LYZL2: variants seen among roughly 807,000 people sequenced by gnomAD.
LYZL2 encodes lysozyme-like protein 2.
LYZL2 carries 13 observed loss-of-function variants against 17.1 expected under a neutral mutation model. The observed-to-expected ratio is 0.76, with a 90% CI of 0.49 to 1.21. LYZL2 has a LOEUF of 1.21. Ranked by LOEUF, LYZL2 falls within the 50% of genes most tolerant of loss-of-function variation. The pLI is 0.00. For synonymous variants in LYZL2, 63 were observed against 74.4 expected (o/e 0.85, Z 0.79); for missense variants, 166 against 189.2 (o/e 0.88, Z 0.72).
chr10:30,607,320 C>A (rs1340332576), downstream of LYZL2, among the ~76,000 whole-genome samples: 2 of 151,868 alleles, frequency 1.3e-5, no homozygotes, highest in African/African-American at 4.8e-5. Flanking sequence ...ACAATGCCTC[C>A]ATTCAATACC....
At chr10:30,617,757 A>G (rs1342634318) in intron 3 of LYZL2, among the ~76,000 whole-genome samples, 3 of 151,910 alleles carry the variant, frequency 2.0e-5, no homozygotes. Context: ...CCCTTTGAAA[A>G]CTAGCACAAG....
chr10:30,623,113 C>T (rs1303088542), intron 3 of LYZL2, among the ~76,000 whole-genome samples: 1 of 152,120 alleles, frequency 6.6e-6, no homozygotes, highest in African/African-American at 2.4e-5. Context: ...CATAACAACC[C>T]TCAAAGAATA....
At chr10:30,617,649 TG>T (rs1415829513) in intron 3 of LYZL2, among the ~76,000 whole-genome samples, 7 of 107,544 alleles carry the variant, frequency 6.5e-5, no homozygotes, top group Non-Finnish European at 1.2e-4. Flanking sequence ...CACTTCAGCC[TG>T]GGTGACAGAG....
intron 1 of LYZL2, among the ~76,000 whole-genome samples, chr10:30,627,986 C>G (rs1838745473): frequency 6.6e-6 from 1 of 152,098 alleles, no homozygotes; most frequent in South Asian, 2.1e-4. Flanking sequence ...GGTGAAACCC[C>G]GTCTCTACTA....
intron 4 of LYZL2, 54 bp from the exon 5 acceptor site, chr10:30,612,078 G>T: frequency 6.3e-7 from 1 of 1,596,414 alleles, no homozygotes; most frequent in Non-Finnish European, 8.6e-7. Flanking sequence ...AATCCAAACC[G>T]TCTCAGTTTC....
downstream of LYZL2, among the ~76,000 whole-genome samples, chr10:30,609,517 A>G (rs1838409550): frequency 6.6e-6 from 1 of 152,230 alleles, no homozygotes; most frequent in Admixed American, 6.5e-5. Flanking sequence ...ACAACAGAGA[A>G]CAAGTTGGGA....
rs1054563 is a variant in LYZL2 at position 30,611,982 on chromosome 10, G to C, written c.420C>G (p.Asp140Glu). 3.3e-5 allele frequency: 53 copies of C among 1,614,106 alleles called. No homozygotes were observed. The highest frequency in any genetic ancestry group is 1.2e-4 in the South Asian group (11 of 91,078). The change falls in exon 5 of 5, where the codon GAC (aspartate) becomes GAG (glutamate). Residue 140 changes from aspartate (D) to glutamate (E), a missense_variant. Around this residue, in one of 2 missense-constraint regions of LYZL2, gnomAD observed 134 missense variants for 129.4 expected, o/e 1.04. Transcript: ENST00000647634. Reference protein sequence around the residue: ...KKHCEGRDLSDWKKDCEVS With the variant: ...KKHCEGRDLSEWKKDCEVS ...AGGAAACCTCACAGTCTTTTTTCCA[G>C]TCGGACAGGTCTCTCCCCTCACAGT...
At chr10:30,618,619 C>T (rs904439291) in intron 3 of LYZL2, among the ~76,000 whole-genome samples, 11 of 152,098 alleles carry the variant, frequency 7.2e-5, no homozygotes, top group Admixed American at 2.0e-4. Flanking sequence ...AATTGGCAGG[C>T]CATATGTAGA....
intron 4 of LYZL2, 84 bp from the exon 5 acceptor site, chr10:30,612,108 CA>C: frequency 6.6e-7 from 1 of 1,509,820 alleles, no homozygotes; most frequent in Non-Finnish European, 9.1e-7. Context: ...AGAAATTAAC[CA>C]AAATCGCCAG....
intron 1 of LYZL2, among the ~76,000 whole-genome samples, chr10:30,627,975 C>T (rs762716419): frequency 6.6e-6 from 1 of 152,094 alleles, no homozygotes; most frequent in Non-Finnish European, 1.5e-5. Context: ...CTGGCTAATG[C>T]GGTGAAACCC....
intron 3 of LYZL2, among the ~76,000 whole-genome samples, chr10:30,617,679 A>AAAAAAAAAAAAAAAAAAAAAAAAAG (rs1838554252): frequency 1.8e-4 from 19 of 106,876 alleles, no homozygotes; most frequent in East Asian, 5.3e-4. Context: ...TGTCTCAAAA[A>AAAAAAAAAAAAAAAAAAAAAAAAAG]AAAAAAAAAA....
downstream of LYZL2, among the ~76,000 whole-genome samples, chr10:30,611,576 A>G (rs1484173395): frequency 8.7e-6 from 1 of 114,348 alleles, no homozygotes; most frequent in African/African-American, 3.6e-5. Context: ...GGAAGGAAAG[A>G]AAGAAAGAAA....
chr10:30,627,794 G>T (rs1838739569), intron 1 of LYZL2, among the ~76,000 whole-genome samples: 1 of 152,144 alleles, frequency 6.6e-6, no homozygotes, highest in Non-Finnish European at 1.5e-5. Flanking sequence ...AGGATCAACT[G>T]GGTGTGTAGA....
rs756442490 is a variant in LYZL2 at position 30,626,875 on chromosome 10, A to G, written c.41T>C (p.Val14Ala). Residue 14 changes from valine to alanine, a missense_variant, in exon 2 of 5, where the codon GTC (valine) becomes GCC (alanine). Transcript: ENST00000647634. ...GTAGATTTTGGACTCGGCGCCTGTG[A>G]CCAGGCAGCCAATGAGGGTCAGAAT... ...AGILTLIGCL[V>A]TGAESKIYTR... The G allele has an allele frequency of 1.1e-5, 18 of 1,612,746 alleles. No individual in the cohort carries two copies. The highest frequency in any genetic ancestry group is 1.4e-5 in the Non-Finnish European group (16 of 1,179,630).
intron 3 of LYZL2, among the ~76,000 whole-genome samples, chr10:30,614,728 A>G (rs35541748): frequency 1.9e-4 from 29 of 152,168 alleles, no homozygotes; most frequent in Admixed American, 1.6e-3. Context: ...TGGTGGGAGT[A>G]TAATGGATTC....
At chr10:30,617,263 G>A (rs185963604) in intron 3 of LYZL2, among the ~76,000 whole-genome samples, 90 of 152,322 alleles carry the variant, frequency 5.9e-4, no homozygotes, top group African/African-American at 2.0e-3. Flanking sequence ...GTCAGGCCAT[G>A]CAGGACCAGG....
At position 30,612,897 on chromosome 10, in the gene LYZL2, A is replaced by G. The variant is rs1838467477; in HGVS notation, c.302T>C (p.Leu101Ser). The change falls in exon 4 of 5, where the codon TTG (leucine) becomes TCG (serine). Residue 101 changes from leucine to serine, a missense_variant. Leu to Ser is a moderately radical substitution (Grantham distance 145, BLOSUM62 -2). Transcript: ENST00000647634. Reference protein sequence around the residue: ...NNHCHVACSALVTDDLTDAII... With the variant: ...NNHCHVACSASVTDDLTDAII... ...CGCATCTGTGAGGTCATCAGTGACCAAGGCTGTAAAAAGAGAGGTCATCAG... is the reference window on the plus strand; with the variant it reads ...CGCATCTGTGAGGTCATCAGTGACCGAGGCTGTAAAAAGAGAGGTCATCAG... 6.2e-7 allele frequency: 1 copy of G among 1,613,720 alleles called. No homozygotes were observed. Among genetic ancestry groups the G allele is most frequent in the Non-Finnish European group, 8.5e-7 (1 of 1,179,612 alleles).
At chr10:30,620,881 A>G (rs909068328) in intron 3 of LYZL2, among the ~76,000 whole-genome samples, 3 of 152,132 alleles carry the variant, frequency 2.0e-5, no homozygotes, top group Admixed American at 2.0e-4. Flanking sequence ...AAAAAGTAAC[A>G]GCCGACTTGA....
chr10:30,611,792 A>G lies in LYZL2; in HGVS notation c.*163T>C. On this transcript the variant is annotated 3_prime_UTR_variant, in exon 5 of 5. Transcript: ENST00000647634. ...AAGGGAACCGAGTCAGGGTGAAGAC[A>G]TTTAAATGGAAATATTTATTTTCTT... 2 of 1,267,484 alleles carry G rather than the reference A, an allele frequency of 1.6e-6. No individual in the cohort carries two copies. Among genetic ancestry groups the G allele is most frequent in the East Asian group, 5.1e-5 (2 of 39,212 alleles). The allele number at this position is 1,267,484 out of a possible 1,614,324, so 78.5% of individuals were successfully genotyped here. A position where few individuals can be genotyped will look rare whatever the true frequency, so the allele number is the denominator to read the frequency against.
Sources: gnomAD v4.1 joint callset for allele counts (sites outside exome capture counted in the v4.1 genomes callset) on GRCh38, gnomAD v4.1.1 for gene constraint, gnomAD v4.1.1 regional missense constraint, MANE v1.5 for transcripts, NCBI Gene and HGNC (gene_info 2026-07-23, HGNC 2026-07-21) for gene names.